Variants in CTNND2 observed in about 807,000 individuals in gnomAD.
CTNND2 encodes the protein catenin delta 2, also known as catenin delta-2.
Under a neutral mutation model 144.4 loss-of-function variants are expected in CTNND2, and 22 were observed. That is an observed-to-expected ratio of 0.15 (90% CI 0.11 to 0.22). The LOEUF (loss-of-function observed/expected upper bound fraction) is 0.22, where lower values mean the gene tolerates loss of function less well. Ranked by LOEUF, CTNND2 falls within the 10% of genes least tolerant of loss-of-function variation. The pLI is 1.00. For missense variants in CTNND2, 1,353 were observed against 1,618.8 expected (o/e 0.84, Z 2.82); for synonymous variants, 751 against 695.6 (o/e 1.08, Z -1.25).
chr5:11,019,918 A>T (rs1480114597), intron 17 of CTNND2, among the ~76,000 whole-genome samples: 1 of 152,240 alleles, frequency 6.6e-6, no homozygotes, highest in South Asian at 2.1e-4. Context: ...AATGTCCATA[A>T]TGTATGTTTA....
chr5:11,491,855 A>T (rs1450324081), intron 3 of CTNND2, among the ~76,000 whole-genome samples: 1 of 152,202 alleles, frequency 6.6e-6, no homozygotes, highest in African/African-American at 2.4e-5. Flanking sequence ...CCAGTGACTC[A>T]GCAACTACTT....
chr5:11,016,698 T>G (rs946284925), intron 18 of CTNND2, among the ~76,000 whole-genome samples: 1 of 152,192 alleles, frequency 6.6e-6, no homozygotes, highest in Non-Finnish European at 1.5e-5. Context: ...GTCCTGTTTG[T>G]GCTTCCTGAA....
intron 18 of CTNND2, among the ~76,000 whole-genome samples, chr5:10,993,327 G>A (rs988626878): frequency 2.0e-5 from 3 of 152,090 alleles, no homozygotes; most frequent in African/African-American, 7.2e-5. Flanking sequence ...TATAAAAACC[G>A]CATAAATATA....
rs185933887 is a variant in CTNND2, at chr5:11,644,038, T to C, written c.175-78982A>G. 4.9e-4 allele frequency among the ~76,000 whole-genome samples: 74 copies of C among 152,330 alleles called. 1 individual carries two copies. The highest frequency in any genetic ancestry group is 1.3e-3 in the Admixed American group (20 of 15,300). On this transcript the variant is annotated intron_variant, in intron 2 of 21. Coordinates refer to ENST00000304623, the MANE Select transcript of CTNND2 (RefSeq NM_001332.4). ...CAGACCAATGATTGGAAGGAACTCATTGATCTTATTTCTTAAATATTTAGT... is the reference window on the plus strand; with the variant it reads ...CAGACCAATGATTGGAAGGAACTCACTGATCTTATTTCTTAAATATTTAGT...
intron 2 of CTNND2, among the ~76,000 whole-genome samples, chr5:11,725,781 GAATT>G (rs1466585644): frequency 1.3e-5 from 2 of 152,130 alleles, no homozygotes; most frequent in African/African-American, 4.8e-5. Context: ...TAAATTAAAG[GAATT>G]TATTGTCTGT....
At position 11,402,741 on chromosome 5, in the gene CTNND2, A is replaced by G. The variant is rs1434258847; in HGVS notation, c.440-5538T>C. 2.6e-5 allele frequency among the ~76,000 whole-genome samples: 4 copies of G among 152,344 alleles called. No homozygotes were observed. In the East Asian group the frequency reaches 7.7e-4, roughly 29 times the overall value. On this transcript the variant is annotated intron_variant, in intron 5 of 21. Coordinates refer to ENST00000304623, the MANE Select transcript of CTNND2 (RefSeq NM_001332.4). ...AGCCCAAGGGGCTTGTTATGCAAGA[A>G]AGCTTCAGAGTTGACGGGCAGGTGT...
At chr5:11,795,435 AG>A (rs1285293012) in intron 1 of CTNND2, among the ~76,000 whole-genome samples, 20 of 152,216 alleles carry the variant, frequency 1.3e-4, no homozygotes, top group African/African-American at 4.6e-4. Context: ...TTTTCACTTT[AG>A]GGGACTGCCA....
chr5:11,149,012 T>A (rs1477192667), intron 12 of CTNND2, among the ~76,000 whole-genome samples: 1 of 152,204 alleles, frequency 6.6e-6, no homozygotes, highest in Non-Finnish European at 1.5e-5. Context: ...ATCAGTAAAG[T>A]TCCTTTGTGT....
intron 1 of CTNND2, among the ~76,000 whole-genome samples, chr5:11,779,911 C>T (rs574284696): frequency 7.2e-5 from 11 of 152,272 alleles, no homozygotes; most frequent in African/African-American, 2.2e-4. Flanking sequence ...CTAGCACACA[C>T]GGTAAAGCAA....
At chr5:11,121,320 T>G (rs960842282) in intron 12 of CTNND2, among the ~76,000 whole-genome samples, 1 of 152,220 alleles carries the variant, frequency 6.6e-6, no homozygotes, top group Non-Finnish European at 1.5e-5. Flanking sequence ...CTCCCTCCCA[T>G]TGTACTTAAA....
intron 1 of CTNND2, among the ~76,000 whole-genome samples, chr5:11,733,642 C>T (rs1433855502): frequency 1.3e-5 from 2 of 152,152 alleles, no homozygotes; most frequent in Admixed American, 6.6e-5. Flanking sequence ...TTGTGAAATA[C>T]AGTCAATAAC....
At chr5:11,435,452 C>T (rs891612098) in intron 3 of CTNND2, among the ~76,000 whole-genome samples, 1 of 152,032 alleles carries the variant, frequency 6.6e-6, no homozygotes, top group Non-Finnish European at 1.5e-5. Context: ...GTTTGACAAA[C>T]GTTTTCTGTA....
intron 3 of CTNND2, among the ~76,000 whole-genome samples, chr5:11,497,157 T>C (rs1400378690): frequency 6.6e-6 from 1 of 151,772 alleles, no homozygotes; most frequent in Non-Finnish European, 1.5e-5. Context: ...AAGTGAGAAA[T>C]TCATTCCATT....
chr5:11,759,856 C>T (rs1789158375), intron 1 of CTNND2, among the ~76,000 whole-genome samples: 1 of 151,952 alleles, frequency 6.6e-6, no homozygotes, highest in Non-Finnish European at 1.5e-5. Flanking sequence ...GGAGGTTAAC[C>T]TCCCCAAGGT....
intron 2 of CTNND2, among the ~76,000 whole-genome samples, chr5:11,612,498 T>C (rs1040712892): frequency 6.6e-6 from 1 of 152,172 alleles, no homozygotes; most frequent in Non-Finnish European, 1.5e-5. Context: ...GTATACACAT[T>C]AAGTAAATTT....
chr5:11,768,807 G>A (rs1789748419), intron 1 of CTNND2, among the ~76,000 whole-genome samples: 1 of 152,170 alleles, frequency 6.6e-6, no homozygotes, highest in Non-Finnish European at 1.5e-5. Flanking sequence ...TAAGGGTCCT[G>A]ATGCCCAGTG....
At chr5:11,743,837 G>A (rs1788157380) in intron 1 of CTNND2, among the ~76,000 whole-genome samples, 1 of 152,154 alleles carries the variant, frequency 6.6e-6, no homozygotes, top group Non-Finnish European at 1.5e-5. Context: ...AGCAGTGGGA[G>A]GGTCAACATA....
intron 3 of CTNND2, among the ~76,000 whole-genome samples, chr5:11,502,781 G>A (rs1739860838): frequency 6.6e-6 from 1 of 152,124 alleles, no homozygotes; most frequent in Non-Finnish European, 1.5e-5. Flanking sequence ...TTCTTGGAAA[G>A]ATGAAGAAGG....
At chr5:11,691,951 G>T (rs1784927502) in intron 2 of CTNND2, among the ~76,000 whole-genome samples, 1 of 152,024 alleles carries the variant, frequency 6.6e-6, no homozygotes, top group African/African-American at 2.4e-5. Context: ...TTTTTCATGT[G>T]CTCAGTGCTC....
Sources: gnomAD v4.1 joint callset for allele counts (sites outside exome capture counted in the v4.1 genomes callset) on GRCh38, gnomAD v4.1.1 for gene constraint, MANE v1.5 for transcripts, NCBI Gene and HGNC (gene_info 2026-07-23, HGNC 2026-07-21) for gene names.